The following ZNF385D variants were observed in gnomAD, a reference collection of about 807,000 sequenced individuals.
ZNF385D encodes the protein zinc finger protein 659.
In ZNF385D, 15 loss-of-function variants were observed where a neutral mutation model predicts 35.8. The ratio of observed to expected loss-of-function variants is 0.42; its 90% CI spans 0.28 to 0.64. ZNF385D has a LOEUF of 0.64. Ranked by LOEUF, ZNF385D falls within the 30% of genes least tolerant of loss-of-function variation. The pLI is 0.23. For synonymous variants in ZNF385D, 212 were observed against 186.8 expected (o/e 1.13, Z -1.10); for missense variants, 474 against 494.6 (o/e 0.96, Z 0.39).
At chr3:22,007,401 TTTAG>T (rs1273962190) in intron 3 of ZNF385D, among the ~76,000 whole-genome samples, 3 of 152,224 alleles carry the variant, frequency 2.0e-5, no homozygotes, top group Non-Finnish European at 4.4e-5. Flanking sequence ...TGGATATTTA[TTTAG>T]TTTGTTTTCC....
At position 22,315,393 on chromosome 3, in the gene ZNF385D, G is replaced by A. The variant is rs562928606; in HGVS notation, c.106+57057C>T. On this transcript the variant is annotated intron_variant, in intron 2 of 5. Transcript: ENST00000494108. ...AGGTTAATGTCTAAAATAGGTAGAC[G>A]CTGACCTACGGATGGTATTTTCAAC... Among the ~76,000 whole-genome samples, 7 of 152,282 alleles carry A rather than the reference G, an allele frequency of 4.6e-5. No individual in the cohort carries two copies. The South Asian group carries it at 1.0e-3, about 23-fold the overall frequency.
chr3:21,774,653 T>C (rs569847297), intron 3 of ZNF385D, among the ~76,000 whole-genome samples: 1 of 151,868 alleles, frequency 6.6e-6, no homozygotes, highest in East Asian at 2.0e-4. Flanking sequence ...ATTAGAGACA[T>C]ATTTAAGAGA....
chr3:22,113,134 T>C (rs181185243), intron 3 of ZNF385D, among the ~76,000 whole-genome samples: 15 of 152,174 alleles, frequency 9.9e-5, no homozygotes, highest in South Asian at 4.1e-4. Context: ...TGTGTTGAAA[T>C]AGAATGTGTA....
At chr3:21,485,183 G>A (rs111520869) in intron 4 of ZNF385D, among the ~76,000 whole-genome samples, 70 of 152,228 alleles carry the variant, frequency 4.6e-4, no homozygotes, top group African/African-American at 1.4e-3. Flanking sequence ...CTAGAAACAC[G>A]TCAAGGTTTA....
intron 3 of ZNF385D, among the ~76,000 whole-genome samples, chr3:21,835,141 T>C (rs1436494716): frequency 1.3e-5 from 2 of 152,038 alleles, no homozygotes; most frequent in Admixed American, 6.6e-5. Flanking sequence ...ATTATTTAAA[T>C]TCAAATCTAC....
intron 3 of ZNF385D, among the ~76,000 whole-genome samples, chr3:21,898,868 C>T (rs998582846): frequency 2.0e-5 from 3 of 152,100 alleles, no homozygotes; most frequent in Admixed American, 6.6e-5. Flanking sequence ...ACATTTTTCC[C>T]TACGCATCTC....
At chr3:22,290,179 T>C (rs1702228659) in intron 2 of ZNF385D, among the ~76,000 whole-genome samples, 1 of 152,160 alleles carries the variant, frequency 6.6e-6, no homozygotes, top group South Asian at 2.1e-4. Flanking sequence ...ATGTGTGGCC[T>C]GAACCTTTGT....
intron 3 of ZNF385D, among the ~76,000 whole-genome samples, chr3:22,100,779 C>T (rs1287023541): frequency 6.6e-6 from 1 of 151,582 alleles, no homozygotes; most frequent in Admixed American, 6.6e-5. Flanking sequence ...CACATGTATA[C>T]ATATGTAACT....
intron 3 of ZNF385D, among the ~76,000 whole-genome samples, chr3:21,780,203 A>T (rs1349853609): frequency 6.6e-6 from 1 of 151,994 alleles, no homozygotes; most frequent in Non-Finnish European, 1.5e-5. Context: ...CACTGATCTA[A>T]CTACTTTACT....
chr3:22,077,283 AT>A (rs562015571), intron 3 of ZNF385D, among the ~76,000 whole-genome samples: 102 of 152,052 alleles, frequency 6.7e-4, no homozygotes, highest in African/African-American at 2.3e-3. Flanking sequence ...CCCATACAGA[AT>A]TTTGGTTAAA....
chr3:21,963,420 G>T (rs1702707970), intron 3 of ZNF385D, among the ~76,000 whole-genome samples: 1 of 152,024 alleles, frequency 6.6e-6, no homozygotes, highest in South Asian at 2.1e-4. Flanking sequence ...GATAGGGAGG[G>T]GAAAGAGTTC....
intron 2 of ZNF385D, among the ~76,000 whole-genome samples, chr3:22,284,250 G>A (rs568170749): frequency 3.9e-5 from 6 of 151,974 alleles, no homozygotes; most frequent in African/African-American, 7.3e-5. Context: ...GTGCAGTGGC[G>A]CGATCTTGGC....
At chr3:21,463,472 T>A (rs1170912185) in intron 4 of ZNF385D, among the ~76,000 whole-genome samples, 1 of 152,160 alleles carries the variant, frequency 6.6e-6, no homozygotes, top group Admixed American at 6.6e-5. Context: ...AGCTCAGCGG[T>A]TGAGCCCCAG....
intron 3 of ZNF385D, among the ~76,000 whole-genome samples, chr3:21,844,136 T>C (rs1035185197): frequency 1.3e-5 from 2 of 151,982 alleles, no homozygotes; most frequent in Non-Finnish European, 2.9e-5. Flanking sequence ...TCTTATGTAA[T>C]TTAACCTTAA....
At chr3:22,133,740 T>A (rs1703940711) in intron 3 of ZNF385D, 2 of 151,866 alleles carry the variant, frequency 1.3e-5, no homozygotes, top group South Asian at 4.2e-4. Context: ...CACAGAGACC[T>A]CAGTACTCAA....
intron 1 of ZNF385D, among the ~76,000 whole-genome samples, chr3:21,717,297 A>G (rs1188766706): frequency 1.3e-5 from 2 of 152,210 alleles, no homozygotes; most frequent in Non-Finnish European, 2.9e-5. Context: ...ATCACATAAT[A>G]CATTCAAAGA....
At chr3:21,632,190 C>A (rs936571933) in intron 2 of ZNF385D, among the ~76,000 whole-genome samples, 11 of 151,946 alleles carry the variant, frequency 7.2e-5, no homozygotes, top group Admixed American at 4.6e-4. Flanking sequence ...CATTTCTACC[C>A]TCAGAGAGCC....
At chr3:21,988,189 C>T (rs1694924229) in intron 3 of ZNF385D, among the ~76,000 whole-genome samples, 1 of 130,620 alleles carries the variant, frequency 7.7e-6, no homozygotes, top group Non-Finnish European at 1.7e-5. Flanking sequence ...ATTCTCCATC[C>T]AGCTTTGTTC....
intron 2 of ZNF385D, among the ~76,000 whole-genome samples, chr3:21,566,238 T>C (rs1439694919): frequency 6.7e-6 from 1 of 149,904 alleles, no homozygotes; most frequent in African/African-American, 2.4e-5. Context: ...CCACCTTCCC[T>C]TTAAATTTAT....
Sources: gnomAD v4.1 joint callset for allele counts (sites outside exome capture counted in the v4.1 genomes callset) on GRCh38, gnomAD v4.1.1 for gene constraint, MANE v1.5 for transcripts, NCBI Gene and HGNC (gene_info 2026-07-23, HGNC 2026-07-21) for gene names.